ZNF747: variants seen among roughly 807,000 people sequenced by gnomAD.
ZNF747 encodes KRAB domain-containing protein ZNF747.
ZNF747 carries 14 observed loss-of-function variants against 13.4 expected under a neutral mutation model. That is an observed-to-expected ratio of 1.04 (90% confidence interval 0.69 to 1.63). ZNF747 has a LOEUF of 1.63. ZNF747 is among the 40% of genes most tolerant of loss of function. ZNF747 has a pLI of 0.00. For missense variants in ZNF747, 532 were observed against 477.9 expected, an observed-to-expected ratio of 1.11 and a Z score of -1.05; for synonymous variants, 212 against 206.5, an observed-to-expected ratio of 1.03 and a Z score of -0.23.
chr16:30,534,056 G>T, intron 2 of ZNF747, 141 bp downstream of exon 2: 2 of 1,257,084 alleles, frequency 1.6e-6, no homozygotes, highest in Non-Finnish European at 2.1e-6. Flanking sequence ...CCGGAGCCAG[G>T]CAGGGGCTCA....
In ZNF747 at chr16:30,534,547, A is replaced by G. The variant is rs774187443; in HGVS notation, c.133T>C (p.Tyr45His). ...CAGCCCCACTCCTCCCGGGAGAAGTACACGGCCACGTCGGCGAAGCTCACG... is the reference window on the plus strand; with the variant it reads ...CAGCCCCACTCCTCCCGGGAGAAGTGCACGGCCACGTCGGCGAAGCTCACG... Reference protein sequence around the residue: ...GAVSFADVAVYFSREEWGCLR... With the variant: ...GAVSFADVAVHFSREEWGCLR... Residue 45 changes from tyrosine (Y) to histidine (H), a missense_variant, in exon 1 of 3, where the codon TAC becomes CAC. Coordinates refer to ENST00000693075, the MANE Select transcript of ZNF747 (RefSeq NM_001305018.2). 6 of 1,608,598 alleles carry G rather than the reference A, an allele frequency of 3.7e-6. No homozygotes were observed. The highest frequency in any genetic ancestry group is 1.3e-5 in the African/African-American group (1 of 74,826).
chr16:30,532,249 T>C lies in ZNF747; in HGVS notation c.*250A>G. On this transcript the variant is annotated 3_prime_UTR_variant, in exon 3 of 3. Coordinates refer to ENST00000693075, the MANE Select transcript of ZNF747 (RefSeq NM_001305018.2). ...TCTGGGAGGAGAAACAGCTTTTGCT[T>C]CCCTGTATGGAGGTCTGGGGGGTTC... 1 of 580,744 alleles carries C rather than the reference T, an allele frequency of 1.7e-6. No individual in the cohort carries two copies. The highest frequency in any genetic ancestry group is 2.2e-5 in the South Asian group (1 of 46,506). 36.0% of individuals were successfully genotyped at this position (580,744 alleles called of 1,614,324 possible). A position where few individuals can be genotyped will look rare whatever the true frequency, so the allele number is the denominator to read the frequency against.
chr16:30,534,214 G>GGT lies in ZNF747; in HGVS notation c.325_326insAC (p.Pro109HisfsTer38). 1 of 1,610,084 alleles carries GGT rather than the reference G, an allele frequency of 6.2e-7. No individual in the cohort carries two copies. Among genetic ancestry groups the GGT allele is most frequent in the Non-Finnish European group, 8.5e-7 (1 of 1,178,368 alleles). On this transcript the variant is annotated frameshift_variant, in exon 2 of 3. Transcript: ENST00000693075. LOFTEE classifies it low-confidence loss of function (END_TRUNC). ...TACTCCACCTGGGTCCGCTTCTGTC[G>GGT]GACACTTCGCCACCTCCGGATCCTG...
chr16:30,534,715 G>A lies in ZNF747; in HGVS notation c.-36C>T, dbSNP rs889626397. On this transcript the variant is annotated 5_prime_UTR_variant, in exon 1 of 3. Coordinates refer to ENST00000693075, the MANE Select transcript of ZNF747 (RefSeq NM_001305018.2). ...CAGGCCTGGGCATGCGGAACCTCCCGCGCCCGAGAACACTTCCCCGGCCCG... is the reference window on the plus strand; with the variant it reads ...CAGGCCTGGGCATGCGGAACCTCCCACGCCCGAGAACACTTCCCCGGCCCG... The A allele has an allele frequency of 8.1e-6, 12 of 1,481,640 alleles. No homozygotes were observed. The highest frequency in any genetic ancestry group is 2.5e-5 in the East Asian group (1 of 40,390). The allele number at this position is 1,481,640 out of a possible 1,614,324, so 91.8% of individuals were successfully genotyped here. A position where few individuals can be genotyped will look rare whatever the true frequency, so the allele number is the denominator to read the frequency against.
rs199948714 is a variant in ZNF747 at position 30,534,343 on chromosome 16, A to G, written c.230-33T>C. On this transcript the variant is annotated intron_variant, in intron 1 of 2. Transcript: ENST00000693075. ...AGAAGAACGCAAACCCCACGCTGCG[A>G]GGAGGCCGCCTGCCCGGCCCCGGGG... 5.3e-5 allele frequency: 82 copies of G among 1,558,446 alleles called. No individual in the cohort carries two copies. The African/African-American group carries it at 7.8e-4, about 15-fold the overall frequency.
Position 30,532,771 on chromosome 16 carries a change from C to T in ZNF747, c.724G>A (p.Glu242Lys), listed in dbSNP as rs1216869324. ...CGGCGCATGAAGGCCCGACCACACT[C>T]GGGACAGCGGTGGGGCCGCTCCCCA... ...HRGERPHRCP[E>K]CGRAFMRRTA... The change falls in exon 3 of 3, where the codon GAG becomes AAG. Residue 242 changes from glutamate to lysine, a missense_variant. Physicochemically the swap from Glu to Lys is moderately conservative, Grantham distance 56. Transcript: ENST00000693075. The T allele has an allele frequency of 1.9e-6, 3 of 1,548,922 alleles. No individual in the cohort carries two copies. The highest frequency in any genetic ancestry group is 2.7e-5 in the African/African-American group (2 of 73,536).
At chr16:30,534,376 C>T (rs1411913673) in intron 1 of ZNF747, 66 bp from the exon 2 acceptor site, 5 of 1,555,488 alleles carry the variant, frequency 3.2e-6, no homozygotes, top group Non-Finnish European at 4.3e-6. Context: ...GGGCCCCCAA[C>T]TCCACACGCA....
Position 30,532,894 on chromosome 16 carries a change from T to A in ZNF747, c.601A>T (p.Ile201Phe), listed in dbSNP as rs372579412. The A allele has an allele frequency of 6.3e-6, 10 of 1,599,790 alleles. No homozygotes were observed. The Admixed American group carries it at 1.7e-4, about 27-fold the overall frequency. ...GGCTTCTCGCCCCTGTGGCTGTAAATGTGCTCCACCAGTGTGGAGCGCCAG... is the reference window on the plus strand; with the variant it reads ...GGCTTCTCGCCCCTGTGGCTGTAAAAGTGCTCCACCAGTGTGGAGCGCCAG... ...FAWRSTLVEHIYSHRGEKPFH... is the reference protein window; with the variant it reads ...FAWRSTLVEHFYSHRGEKPFH... Residue 201 changes from isoleucine (I) to phenylalanine (F), a missense_variant, in exon 3 of 3, where the codon ATT (isoleucine) becomes TTT (phenylalanine). Physicochemically the swap from Ile to Phe is conservative, Grantham distance 21. Coordinates refer to ENST00000693075, the MANE Select transcript of ZNF747 (RefSeq NM_001305018.2).
At position 30,532,969 on chromosome 16, in the gene ZNF747, G is replaced by A; in HGVS notation, c.526C>T (p.Pro176Ser). The A allele has an allele frequency of 6.2e-7, 1 of 1,607,444 alleles. No homozygotes were observed. The highest frequency in any genetic ancestry group is 2.2e-5 in the East Asian group (1 of 44,826). The change falls in exon 3 of 3, where the codon CCC (proline) becomes TCC (serine). Residue 176 changes from proline (P) to serine (S), a missense_variant. Transcript: ENST00000693075. ...RPRFFAHPPV[P>S]RADQRHGCYV... Reference sequence around the variant, plus strand: ...CAGCCGTGACGCTGGTCAGCTCGGGGGACAGGGGGGTGGGCAAAAAAGCGG... The same window carrying A: ...CAGCCGTGACGCTGGTCAGCTCGGGAGACAGGGGGGTGGGCAAAAAAGCGG...
rs767656410 is a variant in ZNF747 at position 30,534,299 on chromosome 16, T to C, written c.241A>G (p.Ser81Gly). The C allele has an allele frequency of 3.2e-6, 5 of 1,577,186 alleles. No homozygotes were observed. The highest frequency in any genetic ancestry group is 1.7e-4 in the Middle Eastern group (1 of 6,038). ...ACCCAGGAGATGAGCGCCGGCTTGC[T>C]GCCTCCGACTCCTGGGGGAGAAGAA... ...GHLGALGVGG[S>G]KPALISWVEE... The change falls in exon 2 of 3, where the codon AGC becomes GGC. Residue 81 changes from serine (S) to glycine (G), a missense_variant. By Grantham distance (56) the Ser-to-Gly change is moderately conservative. Coordinates refer to ENST00000693075, the MANE Select transcript of ZNF747 (RefSeq NM_001305018.2).
rs1210117891 is a variant in ZNF747, at chr16:30,532,837, C to G, written c.658G>C (p.Gly220Arg). 1.3e-6 allele frequency: 2 copies of G among 1,581,250 alleles called. No individual in the cohort carries two copies. Among genetic ancestry groups the G allele is most frequent in the East Asian group, 2.3e-5 (1 of 43,958 alleles). ...FHCADCGKGF[G>R]HASSLSKHRA... ...TGTTTGCTCAGGGAGGAAGCGTGGC[C>G]GAAGCCCTTGCCGCAGTCTGCGCAG... The change falls in exon 3 of 3, where the codon GGC (glycine) becomes CGC (arginine). Residue 220 changes from glycine to arginine, a missense_variant. Gly to Arg is a moderately radical substitution (Grantham distance 125). Transcript: ENST00000693075.
chr16:30,534,631 C>T lies in ZNF747; in HGVS notation c.49G>A (p.Ala17Thr), dbSNP rs1305487193. The T allele has an allele frequency of 1.3e-6, 2 of 1,577,176 alleles. No individual in the cohort carries two copies. Among genetic ancestry groups the T allele is most frequent in the Non-Finnish European group, 1.7e-6 (2 of 1,166,162 alleles). ...GLTVPMAPPL[A>T]PLPPRDPNGA... is the part of the protein sequence containing the mutation. ...TTTGGGTCCCGGGGAGGGAGCGGGG[C>T]CAGAGGCGGCGCCATGGGGACTGTC... The change falls in exon 1 of 3, where the codon GCC becomes ACC. Residue 17 changes from alanine to threonine, a missense_variant. Physicochemically the swap from Ala to Thr is moderately conservative, Grantham distance 58. Coordinates refer to ENST00000693075, the MANE Select transcript of ZNF747 (RefSeq NM_001305018.2).
At position 30,532,711 on chromosome 16, in the gene ZNF747, C is replaced by CA; in HGVS notation, c.783dup (p.Gly262TrpfsTer35). On this transcript the variant is annotated frameshift_variant, in exon 3 of 3. Transcript: ENST00000693075. LOFTEE classifies it low-confidence loss of function (END_TRUNC). ...TGCGGGCAGCGGTAGGGCTTCTCGCCAGTGTGAACGCGCAGGTGAGAAGTC... is the reference window on the plus strand; with the variant it reads ...TGCGGGCAGCGGTAGGGCTTCTCGCCAAGTGTGAACGCGCAGGTGAGAAGTC... The CA allele has an allele frequency of 1.9e-6, 3 of 1,539,566 alleles. No homozygotes were observed. Among genetic ancestry groups the CA allele is most frequent in the Non-Finnish European group, 2.6e-6 (3 of 1,146,862 alleles).
Position 30,534,445 on chromosome 16 carries a change from T to G in ZNF747, c.229+6A>C. On this transcript the variant is annotated splice_donor_region_variant and intron_variant, in intron 1 of 2. Coordinates refer to ENST00000693075, the MANE Select transcript of ZNF747 (RefSeq NM_001305018.2). ...CAGGGCCCAGGCAAGCAGGTGGGGC[T>G]CTCACCGAGCGCGCCCAGGTGGCCG... 6.3e-7 allele frequency: 1 copy of G among 1,577,296 alleles called. No individual in the cohort carries two copies. The highest frequency in any genetic ancestry group is 8.6e-7 in the Non-Finnish European group (1 of 1,163,062).
At chr16:30,533,316 GA>G (rs1423517610) in intron 2 of ZNF747, among the ~76,000 whole-genome samples, 165 bp from the exon 3 acceptor site, 3 of 152,178 alleles carry the variant, frequency 2.0e-5, no homozygotes, top group Admixed American at 6.5e-5. Context: ...TGGAGGGAGG[GA>G]ACAGTCCATT....
At position 30,532,574 on chromosome 16, in the gene ZNF747, C is replaced by G. The variant is rs774846321; in HGVS notation, c.921G>C (p.Leu307=). 29 of 1,579,404 alleles carry G rather than the reference C, an allele frequency of 1.8e-5. No individual in the cohort carries two copies. In the East Asian group the frequency reaches 6.3e-4, roughly 34 times the overall value. ...GGTCCAGGTCCCCGCGGACAGGAGTCAGGGTCACAGACAGCCCCCCAGGGC... is the reference window on the plus strand; with the variant it reads ...GGTCCAGGTCCCCGCGGACAGGAGTGAGGGTCACAGACAGCCCCCCAGGGC... ...GRRPGGLSVT[L]TPVRGDLDPP... is the part of the protein sequence containing the mutation. The change falls in exon 3 of 3, where the codon CTG becomes CTC. Residue 307 remains leucine (L), a synonymous_variant. Transcript: ENST00000693075.
intron 2 of ZNF747, 68 bp from the exon 3 acceptor site, chr16:30,533,219 G>C: frequency 6.3e-7 from 1 of 1,599,970 alleles, no homozygotes; most frequent in Non-Finnish European, 8.5e-7. Flanking sequence ...AGCCCGCGTG[G>C]ACAGGGACAG....
intron 2 of ZNF747, 118 bp downstream of exon 2, chr16:30,534,079 C>T: frequency 7.2e-7 from 1 of 1,379,554 alleles, no homozygotes; most frequent in East Asian, 2.6e-5. Context: ...CTCCTGGCCG[C>T]AGTTGAGGAG....
In ZNF747 at chr16:30,532,292, C is replaced by T; in HGVS notation, c.*207G>A. ...GGGGGTTCTCACCTCAGCCCTGCCT[C>T]AGCAAAGGGGGCCTTGGAGAGCCCA... On this transcript the variant is annotated 3_prime_UTR_variant, in exon 3 of 3. Transcript: ENST00000693075. The T allele has an allele frequency of 1.6e-6, 1 of 632,476 alleles. No individual in the cohort carries two copies. Among genetic ancestry groups the T allele is most frequent in the Non-Finnish European group, 2.7e-6 (1 of 365,330 alleles). 39.2% of individuals were successfully genotyped at this position (632,476 alleles called of 1,614,324 possible).
Sources: gnomAD v4.1 joint callset for allele counts (sites outside exome capture counted in the v4.1 genomes callset) on GRCh38, gnomAD v4.1.1 for gene constraint, MANE v1.5 for transcripts, NCBI Gene and HGNC (gene_info 2026-07-23, HGNC 2026-07-21) for gene names.